CNTN5: variants seen among roughly 807,000 people sequenced by gnomAD.
CNTN5 encodes contactin-5.
In CNTN5, 77 loss-of-function variants were observed where a neutral mutation model predicts 129.1. That is an observed-to-expected ratio of 0.60 (90% confidence interval 0.50 to 0.72). The LOEUF (loss-of-function observed/expected upper bound fraction) is 0.72. Ranked by LOEUF, CNTN5 falls within the 30% of genes least tolerant of loss-of-function variation. CNTN5 has a pLI of 0.00. For synonymous variants in CNTN5, 509 were observed against 465.6 expected, an observed-to-expected ratio of 1.09 and a Z score of -1.20; for missense variants, 1,478 against 1,328.8, an observed-to-expected ratio of 1.11 and a Z score of -1.75.
intron 2 of CNTN5, among the ~76,000 whole-genome samples, chr11:99,517,644 C>A (rs1007737376): frequency 1.3e-5 from 2 of 152,060 alleles, no homozygotes; most frequent in Non-Finnish European, 2.9e-5. Context: ...GCTCACCACG[C>A]CCCACCTCAA....
intron 1 of CNTN5, among the ~76,000 whole-genome samples, chr11:99,254,023 C>T (rs1321075508): frequency 6.6e-6 from 1 of 150,590 alleles, no homozygotes; most frequent in Non-Finnish European, 1.5e-5. Context: ...TGTTATAAAT[C>T]CAAAATAATA....
chr11:99,094,660 G>C (rs1272443163), intron 1 of CNTN5, among the ~76,000 whole-genome samples: 1 of 151,884 alleles, frequency 6.6e-6, no homozygotes, highest in African/African-American at 2.4e-5. Flanking sequence ...GTTATTAATG[G>C]CCACGGAAGG....
At chr11:100,095,385 TTCTTTATTTATTAAAAATTCACGATG>T (rs1270014780) in intron 13 of CNTN5, among the ~76,000 whole-genome samples, 1 of 150,734 alleles carries the variant, frequency 6.6e-6, no homozygotes, top group Non-Finnish European at 1.5e-5. Flanking sequence ...TTTATAATTG[TTCTTTATTTATTAAAAATTCACGATG>T]TGTTTGAAAC....
intron 23 of CNTN5, among the ~76,000 whole-genome samples, chr11:100,347,329 G>C (rs1286592607): frequency 1.3e-5 from 2 of 151,832 alleles, no homozygotes; most frequent in East Asian, 3.9e-4. Flanking sequence ...TTATTTTGTA[G>C]CTCCTCCTTC....
chr11:99,031,644 CA>C (rs1433927970), intron 1 of CNTN5, among the ~76,000 whole-genome samples: 14 of 139,814 alleles, frequency 1.0e-4, no homozygotes, highest in Admixed American at 3.8e-4. Context: ...AAAAAAAAAC[CA>C]AACAAACCTG....
At chr11:99,188,335 T>C (rs1209555274) in intron 1 of CNTN5, among the ~76,000 whole-genome samples, 1 of 151,824 alleles carries the variant, frequency 6.6e-6, no homozygotes, top group Non-Finnish European at 1.5e-5. Context: ...ACTGAATATG[T>C]AATTTTGCTA....
At chr11:100,153,579 A>C (rs1211927207) in intron 13 of CNTN5, among the ~76,000 whole-genome samples, 1 of 152,160 alleles carries the variant, frequency 6.6e-6, no homozygotes, top group Non-Finnish European at 1.5e-5. Context: ...TATAAAAGCA[A>C]AATGAATTTA....
intron 16 of CNTN5, among the ~76,000 whole-genome samples, chr11:100,235,329 G>A (rs1949586977): frequency 6.6e-6 from 1 of 152,180 alleles, no homozygotes; most frequent in African/African-American, 2.4e-5. Context: ...TAGGAGATCA[G>A]TCAGAGTGAT....
chr11:99,208,364 C>G (rs558665787), intron 1 of CNTN5, among the ~76,000 whole-genome samples: 8 of 152,014 alleles, frequency 5.3e-5, no homozygotes, highest in African/African-American at 1.9e-4. Context: ...TAATTTCTGG[C>G]AATATAAAAA....
At chr11:99,291,183 T>A (rs542331205) in intron 1 of CNTN5, among the ~76,000 whole-genome samples, 18 of 152,068 alleles carry the variant, frequency 1.2e-4, no homozygotes, top group African/African-American at 4.3e-4. Flanking sequence ...CATTTTCTAG[T>A]GAGGCCATAT....
intron 13 of CNTN5, among the ~76,000 whole-genome samples, chr11:100,109,581 T>C (rs1279438586): frequency 6.6e-6 from 1 of 152,220 alleles, no homozygotes; most frequent in Non-Finnish European, 1.5e-5. Context: ...CTTGACTCAA[T>C]AATTCTTTGT....
At chr11:99,239,293 A>G (rs1861425828) in intron 1 of CNTN5, among the ~76,000 whole-genome samples, 1 of 152,226 alleles carries the variant, frequency 6.6e-6, no homozygotes, top group African/African-American at 2.4e-5. Flanking sequence ...TATCAACTGA[A>G]ATAGTTTTAA....
intron 13 of CNTN5, among the ~76,000 whole-genome samples, chr11:100,140,389 A>T (rs561888022): frequency 6.6e-6 from 1 of 152,320 alleles, no homozygotes; most frequent in South Asian, 2.1e-4. Flanking sequence ...AGGCAAGAAC[A>T]TAGGAAGAAG....
intron 13 of CNTN5, among the ~76,000 whole-genome samples, chr11:100,118,717 CA>C (rs1457198443): frequency 2.0e-5 from 3 of 151,812 alleles, no homozygotes; most frequent in African/African-American, 7.2e-5. Context: ...TGACCATAAT[CA>C]AAGGCTTGGG....
intron 3 of CNTN5, among the ~76,000 whole-genome samples, chr11:99,634,715 G>T (rs761459221): frequency 6.6e-6 from 1 of 152,096 alleles, no homozygotes; most frequent in African/African-American, 2.4e-5. Flanking sequence ...TATTCCTAAG[G>T]ATTAGGAACT....
At chr11:99,206,298 A>G (rs1036986730) in intron 1 of CNTN5, among the ~76,000 whole-genome samples, 8 of 152,114 alleles carry the variant, frequency 5.3e-5, no homozygotes, top group African/African-American at 1.9e-4. Context: ...TTTAGGAGGT[A>G]TAAGAAAGGA....
chr11:99,220,304 G>T (rs990008942), intron 1 of CNTN5, among the ~76,000 whole-genome samples: 1 of 151,860 alleles, frequency 6.6e-6, no homozygotes, highest in African/African-American at 2.4e-5. Flanking sequence ...CTTTGCCATT[G>T]TAATACAGAT....
chr11:99,784,395 C>T (rs529788481), intron 3 of CNTN5, among the ~76,000 whole-genome samples: 13 of 151,860 alleles, frequency 8.6e-5, no homozygotes, highest in East Asian at 3.9e-4. Context: ...TGAGAACATG[C>T]GGTGTTTGGT....
chr11:99,722,625 A>G (rs1457604385), intron 3 of CNTN5, among the ~76,000 whole-genome samples: 1 of 152,068 alleles, frequency 6.6e-6, no homozygotes, highest in Admixed American at 6.6e-5. Flanking sequence ...CAAACCTAAA[A>G]TAAAAGTTAA....
Sources: allele counts gnomAD v4.1 joint callset (sites outside exome capture counted in the v4.1 genomes callset), GRCh38; gene constraint gnomAD v4.1.1; transcripts MANE v1.5; gene names NCBI Gene and HGNC (gene_info 2026-07-23, HGNC 2026-07-21).